PCDH11X: variants seen among roughly 807,000 people sequenced by gnomAD.
PCDH11X encodes the protein protocadherin 11 X-linked, also known as protocadherin-11 X-linked.
PCDH11X carries 18 observed loss-of-function variants against 53.3 expected under a neutral mutation model. That is an observed-to-expected ratio of 0.34 (90% CI 0.23 to 0.50). The LOEUF (loss-of-function observed/expected upper bound fraction) is 0.50. Ranked by LOEUF, PCDH11X falls within the 20% of genes least tolerant of loss-of-function variation. The probability of loss-of-function intolerance (pLI) is 0.98; values close to 1 mark genes in which losing one functional copy is unlikely to be tolerated. For missense variants in PCDH11X, 570 were observed against 1,032.4 expected (o/e 0.55, Z 6.14); for synonymous variants, 279 against 393.3 (o/e 0.71, Z 3.44).
rs765244878 is a variant in PCDH11X, at chrX:92,425,445, T to C, written c.3343+37512T>C. Among the ~76,000 whole-genome samples the C allele has an allele frequency of 9.0e-3, 946 of 105,637 alleles. 2 individuals carry two copies. Among genetic ancestry groups the C allele is most frequent in the Non-Finnish European group, 0.015 (756 of 51,261 alleles). The allele number at this position is 105,637 out of a possible 115,157, so 91.7% of individuals were successfully genotyped here. The stretch of plus-strand genomic sequence containing the variant: ...ATGAAGGAATCAAAGGTGACTCCAT[T>C]TTTTTTCACCTAAGAAAATAGAAGT... On this transcript the variant is annotated intron_variant, in intron 9 of 10. Transcript: ENST00000682573.
intron 10 of PCDH11X, among the ~76,000 whole-genome samples, chrX:92,518,741 C>T (rs976207671): frequency 9.1e-5 from 9 of 99,040 alleles, no homozygotes; most frequent in African/African-American, 3.3e-4. Context: ...TATGGCTTAC[C>T]AATAAAATTT....
At chrX:92,416,404 G>A (rs143893226) in intron 9 of PCDH11X, among the ~76,000 whole-genome samples, 1,679 of 110,585 alleles carry the variant, frequency 0.015, 31 homozygotes, top group African/African-American at 0.051. Flanking sequence ...CACATTGCAT[G>A]CCTGTATAAA....
chrX:91,817,158 T>C (rs936119927), intron 4 of PCDH11X, among the ~76,000 whole-genome samples: 3 of 109,632 alleles, frequency 2.7e-5, no homozygotes, highest in East Asian at 5.8e-4. Context: ...TTTATTGGGA[T>C]CATATAATGT....
chrX:92,163,308 C>T (rs2065674830), intron 6 of PCDH11X, among the ~76,000 whole-genome samples: 1 of 109,483 alleles, frequency 9.1e-6, no homozygotes, highest in Non-Finnish European at 1.9e-5. Flanking sequence ...CCCCACCTGT[C>T]GATTCTGCAT....
At chrX:92,110,917 C>G (rs2064489288) in intron 6 of PCDH11X, among the ~76,000 whole-genome samples, 2 of 107,017 alleles carry the variant, frequency 1.9e-5, no homozygotes, top group South Asian at 7.8e-4. Flanking sequence ...CCCTTTCTGG[C>G]TCTCTTTTTT....
chrX:91,847,411 G>A (rs1450391636), intron 5 of PCDH11X, among the ~76,000 whole-genome samples: 1 of 110,990 alleles, frequency 9.0e-6, no homozygotes, highest in African/African-American at 3.3e-5. Context: ...ATTAGGATGG[G>A]TATATCATTT....
intron 9 of PCDH11X, among the ~76,000 whole-genome samples, chrX:92,467,980 G>A (rs1221128656): frequency 1.8e-5 from 2 of 111,517 alleles, no homozygotes; most frequent in African/African-American, 6.5e-5. Context: ...CACAGGCGAC[G>A]AAGCTAGAAA....
intron 9 of PCDH11X, among the ~76,000 whole-genome samples, chrX:92,444,120 G>T (rs2072576807): frequency 9.1e-6 from 1 of 110,240 alleles, no homozygotes. Context: ...ATTGCTTTGG[G>T]CAGTATGGCC....
chrX:92,014,341 T>C (rs1195019394), intron 6 of PCDH11X, among the ~76,000 whole-genome samples: 2 of 111,465 alleles, frequency 1.8e-5, no homozygotes, highest in Admixed American at 1.9e-4. Flanking sequence ...TGAGATACCA[T>C]CTCACACCAG....
At chrX:92,311,851 T>C (rs1422684826) in intron 8 of PCDH11X, among the ~76,000 whole-genome samples, 2 of 111,270 alleles carry the variant, frequency 1.8e-5, no homozygotes, top group Non-Finnish European at 3.8e-5. Flanking sequence ...CTTTTTCCTC[T>C]TTGTTTATTA....
chrX:92,369,375 A>T (rs2070558126), intron 8 of PCDH11X, among the ~76,000 whole-genome samples: 1 of 111,101 alleles, frequency 9.0e-6, no homozygotes, highest in African/African-American at 3.3e-5. Flanking sequence ...ACCAAGCTCG[A>T]TCATCTCAGG....
chrX:92,163,401 C>T (rs766920920), intron 6 of PCDH11X, among the ~76,000 whole-genome samples: 26 of 109,826 alleles, frequency 2.4e-4, no homozygotes, highest in Admixed American at 1.2e-3. Context: ...CTGGAGGTTT[C>T]CTTCTCCCTG....
At chrX:92,542,472 A>C (rs1220476585) in intron 10 of PCDH11X, among the ~76,000 whole-genome samples, 1 of 110,847 alleles carries the variant, frequency 9.0e-6, no homozygotes, top group Non-Finnish European at 1.9e-5. Context: ...ACCTTTTAAA[A>C]TGTCCATAAA....
At chrX:91,984,743 GC>G (rs202188527) in intron 6 of PCDH11X, among the ~76,000 whole-genome samples, 2,035 of 111,111 alleles carry the variant, frequency 0.018, 37 homozygotes, top group African/African-American at 0.062. Context: ...CCTTTCTCCC[GC>G]CCCCCATCCA....
chrX:92,346,910 A>G (rs1302808293), intron 8 of PCDH11X, among the ~76,000 whole-genome samples: 1 of 111,667 alleles, frequency 9.0e-6, no homozygotes, highest in Non-Finnish European at 1.9e-5. Flanking sequence ...CATGGTATCC[A>G]GTAAGATCTA....
At chrX:92,542,413 T>C (rs2074773205) in intron 10 of PCDH11X, among the ~76,000 whole-genome samples, 1 of 111,741 alleles carries the variant, frequency 8.9e-6, no homozygotes, top group Admixed American at 9.5e-5. Context: ...TACAATTATC[T>C]GTATTACCAT....
intron 6 of PCDH11X, among the ~76,000 whole-genome samples, chrX:92,054,820 CAAAAAAAAA>C (rs1174448342): frequency 3.9e-5 from 1 of 25,347 alleles, no homozygotes; most frequent in African/African-American, 1.1e-4. Context: ...AACTCTGTCT[CAAAAAAAAA>C]AAAAAAAAAA....
At chrX:91,814,368 A>C (rs1014816639) in intron 4 of PCDH11X, among the ~76,000 whole-genome samples, 38 of 110,936 alleles carry the variant, frequency 3.4e-4, no homozygotes, top group African/African-American at 1.2e-3. Flanking sequence ...TTTTGAAAAA[A>C]AATTTTATTA....
intron 8 of PCDH11X, among the ~76,000 whole-genome samples, chrX:92,325,704 T>C (rs1006351829): frequency 8.9e-6 from 1 of 111,777 alleles, no homozygotes; most frequent in Non-Finnish European, 1.9e-5. Flanking sequence ...TAATAACTCC[T>C]TGATTTAGCA....
Sources: gnomAD v4.1 joint callset for allele counts (sites outside exome capture counted in the v4.1 genomes callset) on GRCh38, gnomAD v4.1.1 for gene constraint, MANE v1.5 for transcripts, NCBI Gene and HGNC (gene_info 2026-07-23, HGNC 2026-07-21) for gene names.